ELMO1: variants seen among roughly 807,000 people sequenced by gnomAD.
The protein encoded by ELMO1 is engulfment and cell motility 1.
ELMO1 carries 26 observed loss-of-function variants against 98.9 expected under a neutral mutation model. The ratio of observed to expected loss-of-function variants is 0.26; its 90% CI spans 0.19 to 0.36. ELMO1 has a LOEUF of 0.36. Among genes scored for constraint, ELMO1 ranks in the 10% least tolerant of loss-of-function variants. The pLI, the probability that ELMO1 is intolerant of heterozygous loss-of-function variation, is 1.00. For synonymous variants in ELMO1, 346 were observed against 346.0 expected, an observed-to-expected ratio of 1.00 and a Z score of 0.00; for missense variants, 627 against 935.2, an observed-to-expected ratio of 0.67 and a Z score of 4.30.
intron 15 of ELMO1, among the ~76,000 whole-genome samples, chr7:37,083,517 A>T (rs1783592593): frequency 1.3e-5 from 2 of 152,224 alleles, no homozygotes; most frequent in South Asian, 4.1e-4. Flanking sequence ...ATAAAGCTCA[A>T]AATAGCTTCT....
At chr7:37,355,854 CA>C (rs1458128194) in intron 1 of ELMO1, among the ~76,000 whole-genome samples, 1 of 152,204 alleles carries the variant, frequency 6.6e-6, no homozygotes, top group Non-Finnish European at 1.5e-5. Context: ...AGAAGGCTCA[CA>C]GGGGAGCTTC....
At chr7:37,188,109 C>A (rs755741949) in intron 13 of ELMO1, among the ~76,000 whole-genome samples, 2 of 152,066 alleles carry the variant, frequency 1.3e-5, no homozygotes, top group Non-Finnish European at 2.9e-5. Flanking sequence ...TCAGAAATTA[C>A]AAACTTCACA....
At chr7:37,369,845 T>C (rs1583638320) in intron 1 of ELMO1, among the ~76,000 whole-genome samples, 2 of 152,156 alleles carry the variant, frequency 1.3e-5, no homozygotes, top group South Asian at 4.1e-4. Flanking sequence ...CCCTGAAATA[T>C]GGTGCTTTGA....
intron 18 of ELMO1, among the ~76,000 whole-genome samples, chr7:36,885,522 G>A (rs1413756146): frequency 1.3e-5 from 2 of 152,176 alleles, no homozygotes; most frequent in Non-Finnish European, 2.9e-5. Flanking sequence ...GGCAATGGGT[G>A]TCTATTTGCC....
chr7:37,222,030 A>C (rs559014759), intron 10 of ELMO1, among the ~76,000 whole-genome samples: 1 of 152,276 alleles, frequency 6.6e-6, no homozygotes, highest in East Asian at 1.9e-4. Flanking sequence ...AGATGGCTCC[A>C]ATTTCCCAGC....
Position 37,302,767 on chromosome 7 carries a change from T to G in ELMO1, c.192+12083A>C, listed in dbSNP as rs1232685561. On this transcript the variant is annotated intron_variant, in intron 4 of 21. Transcript: ENST00000310758. ...TCTCTACTGATAATGAATTTTTGCT[T>G]TAGGTTACTAAATTTGGGGTGTTTT... 2.0e-5 allele frequency among the ~76,000 whole-genome samples: 3 copies of G among 152,160 alleles called. No individual in the cohort carries two copies. In the East Asian group the frequency reaches 5.8e-4, roughly 29 times the overall value.
chr7:37,389,293 A>G (rs568806772), intron 1 of ELMO1, among the ~76,000 whole-genome samples: 3 of 152,314 alleles, frequency 2.0e-5, no homozygotes, highest in African/African-American at 4.8e-5. Flanking sequence ...CTGGGTTTCA[A>G]AGAGTCCAAA....
chr7:37,026,036 C>A (rs1005372687), intron 15 of ELMO1, among the ~76,000 whole-genome samples: 1 of 151,964 alleles, frequency 6.6e-6, no homozygotes, highest in African/African-American at 2.4e-5. Flanking sequence ...CAGTTCAAGG[C>A]AGGGCAAAGG....
chr7:37,262,181 T>G (rs1032893879), intron 5 of ELMO1, among the ~76,000 whole-genome samples: 2 of 152,022 alleles, frequency 1.3e-5, no homozygotes, highest in Admixed American at 6.6e-5. Context: ...ATAAATAAAT[T>G]TTAAAATAAA....
chr7:36,917,415 C>A (rs1784788788), intron 16 of ELMO1, among the ~76,000 whole-genome samples: 1 of 151,862 alleles, frequency 6.6e-6, no homozygotes, highest in Non-Finnish European at 1.5e-5. Context: ...ATTATTATAA[C>A]CTCTGAAACT....
chr7:37,102,740 T>G (rs1784705770), intron 14 of ELMO1, among the ~76,000 whole-genome samples: 1 of 152,192 alleles, frequency 6.6e-6, no homozygotes. Context: ...CAAAGAGATG[T>G]GTCACTGGTC....
At chr7:37,053,331 C>G (rs929908629) in intron 15 of ELMO1, among the ~76,000 whole-genome samples, 17 of 147,730 alleles carry the variant, frequency 1.2e-4, no homozygotes, top group Admixed American at 7.4e-4. Context: ...CACACACACA[C>G]AGAAAACAAC....
intron 1 of ELMO1, among the ~76,000 whole-genome samples, chr7:37,365,788 G>A (rs779274026): frequency 1.8e-4 from 28 of 152,052 alleles, no homozygotes; most frequent in South Asian, 4.1e-4. Flanking sequence ...TTACTTTTTC[G>A]AGGCAGAGAC....
intron 6 of ELMO1, among the ~76,000 whole-genome samples, chr7:37,258,378 T>C (rs1299143493): frequency 6.6e-6 from 1 of 151,584 alleles, no homozygotes; most frequent in Non-Finnish European, 1.5e-5. Context: ...GAGGTGGAGG[T>C]TGCAGTGAAC....
At position 37,102,415 on chromosome 7, in the gene ELMO1, C is replaced by T. The variant is rs550939713; in HGVS notation, c.1192-5688G>A. ...TTTTAAATGAGCAGAGAAAGAAGAA[C>T]ATTAAAATTATAGAAAGTGTGCCAA... On this transcript the variant is annotated intron_variant, in intron 14 of 21. Coordinates refer to ENST00000310758, the MANE Select transcript of ELMO1 (RefSeq NM_014800.11). Among the ~76,000 whole-genome samples, 41 of 152,272 alleles carry T rather than the reference C, an allele frequency of 2.7e-4. 1 individual carries two copies. The highest frequency in any genetic ancestry group is 9.9e-4 in the African/African-American group (41 of 41,560).
intron 17 of ELMO1, among the ~76,000 whole-genome samples, chr7:36,893,626 C>A (rs1212055301): frequency 6.6e-6 from 1 of 152,160 alleles, no homozygotes; most frequent in Non-Finnish European, 1.5e-5. Context: ...ACTTTTTAAA[C>A]CTCATTTCAG....
intron 1 of ELMO1, among the ~76,000 whole-genome samples, chr7:37,371,368 T>C (rs970893155): frequency 6.6e-6 from 1 of 152,248 alleles, no homozygotes; most frequent in Non-Finnish European, 1.5e-5. Flanking sequence ...CTTCATCTTA[T>C]AATTCTTCAC....
chr7:37,292,546 C>T (rs1366517405), intron 4 of ELMO1, among the ~76,000 whole-genome samples: 2 of 97,772 alleles, frequency 2.0e-5, no homozygotes, highest in South Asian at 3.6e-4. Flanking sequence ...AAGTGAGGAG[C>T]GTCTCTGCCC....
intron 15 of ELMO1, among the ~76,000 whole-genome samples, chr7:37,071,824 T>C (rs1185750614): frequency 6.6e-6 from 1 of 152,208 alleles, no homozygotes; most frequent in African/African-American, 2.4e-5. Flanking sequence ...ACTTTGTTAA[T>C]GCTCCCATTT....
Sources: allele counts gnomAD v4.1 joint callset (sites outside exome capture counted in the v4.1 genomes callset), GRCh38; gene constraint gnomAD v4.1.1; transcripts MANE v1.5; gene names NCBI Gene and HGNC (gene_info 2026-07-23, HGNC 2026-07-21).